LMBRD2: variants seen among roughly 807,000 people sequenced by gnomAD.
The protein encoded by LMBRD2 is G protein-coupled receptor-associated protein LMBRD2.
In LMBRD2, 55 loss-of-function variants were observed where a neutral mutation model predicts 94.4. The ratio of observed to expected loss-of-function variants is 0.58; its 90% CI spans 0.47 to 0.73. LMBRD2 has a LOEUF of 0.73. Ranked by LOEUF, LMBRD2 falls within the 30% of genes least tolerant of loss-of-function variation. The pLI is 0.00. For missense variants in LMBRD2, 640 were observed against 831.9 expected, an observed-to-expected ratio of 0.77 and a Z score of 2.84; for synonymous variants, 246 against 272.4, an observed-to-expected ratio of 0.90 and a Z score of 0.95.
chr5:36,142,772 T>C (rs1043903914), intron 2 of LMBRD2, 173 bp from the exon 3 acceptor site: 4 of 445,858 alleles, frequency 9.0e-6, no homozygotes, highest in African/African-American at 4.1e-5. Context: ...TCGCCCAGGC[T>C]GGAGTGCAGT....
rs1441660819 is a variant in LMBRD2, at chr5:36,114,460, A to G, written c.1604T>C (p.Met535Thr). The G allele has an allele frequency of 1.9e-6, 3 of 1,563,816 alleles. No homozygotes were observed. Among genetic ancestry groups the G allele is most frequent in the Non-Finnish European group, 1.7e-6 (2 of 1,161,168 alleles). Residue 535 changes from methionine (M) to threonine (T), a missense_variant, in exon 13 of 18, where the codon ATG becomes ACG. Transcript: ENST00000296603. ...AGCAATGCAGAGAATTACCACCAAC[A>G]TAGGATAATATATATAGAATCCATC... ...IADGFYIYYP[M>T]LVVILCIATY...
chr5:36,116,850 T>C (rs533357295), intron 10 of LMBRD2, among the ~76,000 whole-genome samples: 35 of 152,066 alleles, frequency 2.3e-4, no homozygotes, highest in African/African-American at 7.5e-4. Flanking sequence ...CTAATTTTTG[T>C]ATTTTTAGTA....
intron 13 of LMBRD2, 73 bp from the exon 14 acceptor site, chr5:36,111,331 G>C: frequency 1.0e-6 from 1 of 987,236 alleles, no homozygotes; most frequent in Non-Finnish European, 1.6e-6. Flanking sequence ...TTGTTCTTTA[G>C]CATTGTCACT....
At chr5:36,111,315 G>T in intron 13 of LMBRD2, 57 bp from the exon 14 acceptor site, 1 of 1,150,708 alleles carries the variant, frequency 8.7e-7, no homozygotes, top group Non-Finnish European at 1.3e-6. Flanking sequence ...TAAATATTTA[G>T]ATGAATTGTT....
chr5:36,110,524 G>C (rs1743578841), intron 14 of LMBRD2, among the ~76,000 whole-genome samples: 2 of 151,956 alleles, frequency 1.3e-5, no homozygotes, highest in Admixed American at 6.6e-5. Flanking sequence ...AGCACGTGAA[G>C]GCTACACTGG....
At chr5:36,148,078 A>C in intron 1 of LMBRD2, 1 of 205,582 alleles carries the variant, frequency 4.9e-6, no homozygotes, top group Non-Finnish European at 1.1e-5. Context: ...GAAAAATCAA[A>C]AGAACCAGAA....
intron 1 of LMBRD2, among the ~76,000 whole-genome samples, chr5:36,143,669 C>A (rs1480179174): frequency 6.6e-6 from 1 of 152,096 alleles, no homozygotes. Flanking sequence ...TACAATATTA[C>A]AAATTAAGAA....
chr5:36,151,625 C>G lies in LMBRD2; in HGVS notation c.-127G>C, dbSNP rs560944902. The G allele has an allele frequency of 1.3e-5, 2 of 153,542 alleles. No homozygotes were observed. Among genetic ancestry groups the G allele is most frequent in the African/African-American group, 4.8e-5 (2 of 41,590 alleles). 9.5% of individuals were successfully genotyped at this position (153,542 alleles called of 1,614,324 possible). On this transcript the variant is annotated 5_prime_UTR_variant, in exon 1 of 18. Transcript: ENST00000296603. The surrounding 1 kb of genome is among the most constrained non-coding windows in gnomAD (Gnocchi z 4.7). ...CTTGGGCCCCGCAGCGGCGGCCACT[C>G]GGGGTCTGCCGGGTCCCCTCTCTTT...
Position 36,126,669 on chromosome 5 carries a change from GT to G in LMBRD2, c.748-2405del, listed in dbSNP as rs547267855. 4.9e-4 allele frequency among the ~76,000 whole-genome samples: 75 copies of G among 152,250 alleles called. No homozygotes were observed. The Middle Eastern group carries it at 0.01, about 21-fold the overall frequency. On this transcript the variant is annotated intron_variant, in intron 6 of 17. Transcript: ENST00000296603. The stretch of plus-strand genomic sequence containing the variant: ...TTGAATGATTTGACATAGTTTATAA[GT>G]TTTATTAATGCTTCAAAGAAAGGTA...
In LMBRD2 at chr5:36,098,504, G is replaced by C. The variant is rs908928990; in HGVS notation, c.*5542C>G. On this transcript the variant is annotated 3_prime_UTR_variant, in exon 18 of 18. Coordinates refer to ENST00000296603, the MANE Select transcript of LMBRD2 (RefSeq NM_001007527.2). ...AAAGAACGCCTGAATCTACTTAAAA[G>C]AACCTTAATCTCAAATGAAGTAAAA... The C allele has an allele frequency of 6.6e-6, 1 of 151,954 alleles. No individual in the cohort carries two copies. Among genetic ancestry groups the C allele is most frequent in the Non-Finnish European group, 1.5e-5 (1 of 67,894 alleles). 9.4% of individuals were successfully genotyped at this position (151,954 alleles called of 1,614,324 possible).
At position 36,114,500 on chromosome 5, in the gene LMBRD2, A is replaced by T; in HGVS notation, c.1564T>A (p.Leu522Ile). The T allele has an allele frequency of 6.4e-7, 1 of 1,560,184 alleles. No homozygotes were observed. Among genetic ancestry groups the T allele is most frequent in the Non-Finnish European group, 8.6e-7 (1 of 1,159,442 alleles). ...TAGAATCCATCTGCAATAAAGGATA[A>T]AACTTTCATGGAACCCATAATCTGA... is the stretch of plus-strand genomic sequence containing the variant. Reference protein sequence around the residue: ...YTSIMGSMKVLSFIADGFYIY... With the variant: ...YTSIMGSMKVISFIADGFYIY... Residue 522 changes from leucine (L) to isoleucine (I), a missense_variant, in exon 13 of 18, where the codon TTA becomes ATA. By Grantham distance (5) the Leu-to-Ile change is conservative (BLOSUM62 2). Coordinates refer to ENST00000296603, the MANE Select transcript of LMBRD2 (RefSeq NM_001007527.2).
intron 6 of LMBRD2, among the ~76,000 whole-genome samples, chr5:36,129,748 C>T (rs931338719): frequency 2.0e-5 from 3 of 152,160 alleles, no homozygotes; most frequent in Non-Finnish European, 2.9e-5. Context: ...GTGAAAACTA[C>T]TCATATCTTG....
intron 6 of LMBRD2, among the ~76,000 whole-genome samples, chr5:36,132,284 A>T (rs778126285): frequency 2.8e-4 from 42 of 152,078 alleles, no homozygotes; most frequent in Non-Finnish European, 4.6e-4. Flanking sequence ...TAGACCAGTT[A>T]TCTCCCCATA....
At position 36,099,398 on chromosome 5, in the gene LMBRD2, C is replaced by A. The variant is rs1263022379; in HGVS notation, c.*4648G>T. On this transcript the variant is annotated 3_prime_UTR_variant, in exon 18 of 18. Coordinates refer to ENST00000296603, the MANE Select transcript of LMBRD2 (RefSeq NM_001007527.2). ...TCTACCTTCTAAAATAAGAAAAATCCTTCGAGTTGTTTTCAAAATATGAAC... is the reference window on the plus strand; with the variant it reads ...TCTACCTTCTAAAATAAGAAAAATCATTCGAGTTGTTTTCAAAATATGAAC... The A allele has an allele frequency of 6.6e-6, 1 of 151,946 alleles. No individual in the cohort carries two copies. The highest frequency in any genetic ancestry group is 1.5e-5 in the Non-Finnish European group (1 of 67,950). 9.4% of individuals were successfully genotyped at this position (151,946 alleles called of 1,614,324 possible).
At chr5:36,137,575 T>G in intron 4 of LMBRD2, 134 bp from the exon 5 acceptor site, 1 of 519,070 alleles carries the variant, frequency 1.9e-6, no homozygotes, top group Non-Finnish European at 3.3e-6. Context: ...TAAGTAATCA[T>G]GAATACTTAA....
intron 6 of LMBRD2, among the ~76,000 whole-genome samples, chr5:36,125,133 T>C (rs966844866): frequency 6.6e-5 from 10 of 152,108 alleles, no homozygotes; most frequent in Admixed American, 4.6e-4. Flanking sequence ...ATTCTGAGTA[T>C]AAAAGGCACA....
Position 36,132,936 on chromosome 5 carries a change from G to C in LMBRD2, c.747+3373C>G, listed in dbSNP as rs917084214. On this transcript the variant is annotated intron_variant, in intron 6 of 17. Coordinates refer to ENST00000296603, the MANE Select transcript of LMBRD2 (RefSeq NM_001007527.2). ...TAAAATGGGTTTTATCCAAAAGACAGACAATAATGTAATGTAAATTAGTAC... is the reference window on the plus strand; with the variant it reads ...TAAAATGGGTTTTATCCAAAAGACACACAATAATGTAATGTAAATTAGTAC... 1.5e-4 allele frequency among the ~76,000 whole-genome samples: 23 copies of C among 148,922 alleles called. No homozygotes were observed. In the Admixed American group the frequency reaches 1.5e-3, roughly 10 times the overall value.
chr5:36,145,977 T>C (rs142382590), intron 1 of LMBRD2, among the ~76,000 whole-genome samples: 5 of 152,374 alleles, frequency 3.3e-5, no homozygotes, highest in Non-Finnish European at 7.3e-5. Context: ...GGTAAGATTA[T>C]GGGCATAATA....
At chr5:36,116,648 T>G (rs1743752005) in intron 10 of LMBRD2, 55 bp from the exon 11 acceptor site, 16 of 1,529,416 alleles carry the variant, frequency 1.0e-5, no homozygotes, top group Non-Finnish European at 1.4e-5. Flanking sequence ...CTTTAGCACT[T>G]AACAATTACA....
Sources: gnomAD v4.1 joint callset for allele counts (sites outside exome capture counted in the v4.1 genomes callset) on GRCh38, gnomAD v4.1.1 for gene constraint, Gnocchi (gnomAD v3.1) non-coding constraint, MANE v1.5 for transcripts, NCBI Gene and HGNC (gene_info 2026-07-23, HGNC 2026-07-21) for gene names.